WARS1: variants seen among roughly 807,000 people sequenced by gnomAD.
The protein encoded by WARS1 is tryptophan--tRNA ligase, cytoplasmic.
A neutral mutation model predicts 47.8 loss-of-function variants in WARS1; 17 were observed. The ratio of observed to expected loss-of-function variants is 0.36; its 90% CI spans 0.24 to 0.53. The LOEUF is 0.53. WARS1 is among the 20% of genes least tolerant of loss of function. The probability of loss-of-function intolerance (pLI) is 0.91; values close to 1 mark genes in which losing one functional copy is unlikely to be tolerated. For synonymous variants in WARS1, 208 were observed against 228.1 expected (o/e 0.91, Z 0.79); for missense variants, 434 against 608.0 (o/e 0.71, Z 3.01).
intron 4 of WARS1, among the ~76,000 whole-genome samples, chr14:100,357,021 T>C (rs1048909661): frequency 1.3e-5 from 2 of 152,196 alleles, no homozygotes. Flanking sequence ...AACCTATCAG[T>C]GTGATACACC....
Position 100,342,472 on chromosome 14 carries a change from G to C in WARS1, c.1039C>G (p.Gln347Glu), listed in dbSNP as rs771622592. Residue 347 changes from glutamine (Q) to glutamate (E), a missense_variant, in exon 9 of 11, where the codon CAG becomes GAG. Physicochemically the swap from Gln to Glu is conservative, Grantham distance 29. Around this residue, in one of 2 missense-constraint regions of WARS1, gnomAD observed 347 missense variants for 523.8 expected, o/e 0.66. Coordinates refer to ENST00000392882, the MANE Select transcript of WARS1 (RefSeq NM_004184.4). ...STFFPALQGA[Q>E]TKMSASDPNS... The stretch of plus-strand genomic sequence containing the variant: ...GGGTCGCTGGCACTCATTTTGGTCT[G>C]GGCGCCCTGCAGGGCTGGGAAGAAG... 6.2e-7 allele frequency: 1 copy of C among 1,614,072 alleles called. No homozygotes were observed. The highest frequency in any genetic ancestry group is 8.5e-7 in the Non-Finnish European group (1 of 1,180,000).
At position 100,353,682 on chromosome 14, in the gene WARS1, C is replaced by CT. The variant is rs773016406; in HGVS notation, c.725+4dup. 6.2e-7 allele frequency: 1 copy of CT among 1,613,726 alleles called. No individual in the cohort carries two copies. Among genetic ancestry groups the CT allele is most frequent in the Non-Finnish European group, 8.5e-7 (1 of 1,179,840 alleles). On this transcript the variant is annotated splice_donor_region_variant and intron_variant, in intron 6 of 10. Transcript: ENST00000392882. Reference sequence around the variant, plus strand: ...TGAAAAGGCAGCCAGACGTTTTCTCCTTACCCCATGTAGTCCAGGTCAGAG... The same window carrying CT: ...TGAAAAGGCAGCCAGACGTTTTCTCCTTTACCCCATGTAGTCCAGGTCAGAG...
intron 8 of WARS1, 135 bp downstream of exon 8, chr14:100,343,140 G>T: frequency 3.3e-6 from 2 of 598,950 alleles, no homozygotes; most frequent in South Asian, 2.4e-5. Flanking sequence ...GCCTCCCAGA[G>T]TGCTGGTATT....
intron 1 of WARS1, among the ~76,000 whole-genome samples, chr14:100,371,910 C>T (rs1031867802): frequency 6.6e-6 from 1 of 152,068 alleles, no homozygotes; most frequent in African/African-American, 2.4e-5. Context: ...CCCCTGTGAC[C>T]GGCACGTACA....
intron 10 of WARS1, among the ~76,000 whole-genome samples, chr14:100,336,092 G>A (rs538047193): frequency 5.3e-5 from 8 of 151,758 alleles, no homozygotes; most frequent in South Asian, 2.1e-4. Flanking sequence ...TGAATAAGAC[G>A]GTAAAACCCT....
intron 9 of WARS1, chr14:100,340,282 G>A (rs28633946): frequency 0.062 from 9,384 of 152,476 alleles, 453 homozygotes; most frequent in African/African-American, 0.13. Flanking sequence ...CTTGGGGGTG[G>A]GTATGGAGCA....
At chr14:100,344,998 T>TG (rs1233790092) in intron 7 of WARS1, among the ~76,000 whole-genome samples, 306 of 127,020 alleles carry the variant, frequency 2.4e-3, no homozygotes, top group Non-Finnish European at 3.6e-3. Flanking sequence ...GGGAGGGAAG[T>TG]GGGGGGGTCA....
At chr14:100,336,537 G>A (rs1344190115) in intron 10 of WARS1, among the ~76,000 whole-genome samples, 3 of 152,096 alleles carry the variant, frequency 2.0e-5, no homozygotes, top group South Asian at 2.1e-4. Context: ...TAACATCTTT[G>A]TGTGGAAAGC....
intron 4 of WARS1, among the ~76,000 whole-genome samples, chr14:100,355,253 C>T (rs1895239026): frequency 6.6e-6 from 1 of 152,076 alleles, no homozygotes; most frequent in South Asian, 2.1e-4. Flanking sequence ...CAGAGTCTCA[C>T]TCTGTCACCC....
chr14:100,368,686 C>T (rs149742887), intron 2 of WARS1, among the ~76,000 whole-genome samples: 1 of 152,186 alleles, frequency 6.6e-6, no homozygotes, highest in Admixed American at 6.5e-5. Context: ...CCAAGGCTGG[C>T]GTGGTGGCTC....
chr14:100,366,774 C>A, intron 2 of WARS1: 1 of 1,098,934 alleles, frequency 9.1e-7, no homozygotes, highest in Non-Finnish European at 1.4e-6. Flanking sequence ...CACAATGAAG[C>A]TTGAAGATAC....
upstream of WARS1, chr14:100,376,240 GC>G: frequency 2.2e-6 from 1 of 444,466 alleles, no homozygotes; most frequent in Non-Finnish European, 3.5e-6. Flanking sequence ...CTCCGCCCCG[GC>G]CTTACTCCCC....
chr14:100,340,910 TTC>T (rs1216373329), intron 9 of WARS1, among the ~76,000 whole-genome samples: 2 of 133,570 alleles, frequency 1.5e-5, no homozygotes, highest in Non-Finnish European at 3.5e-5. Context: ...TTTTTCTTTT[TTC>T]TTTTCTTTTT....
chr14:100,336,862 A>G (rs1450155629), intron 10 of WARS1, 200 bp downstream of exon 10: 1 of 592,902 alleles, frequency 1.7e-6, no homozygotes, highest in East Asian at 2.8e-5. Context: ...AGTGATTTGT[A>G]TCTGCTCTTT....
rs1896483466 is a variant in WARS1 at position 100,373,837 on chromosome 14, TGTGTG to T, written c.-74+1441_-74+1445del. ...ACTATTGAAATCTTGTGTGTGTGTG[TGTGTG>T]TGTGTGTGTGTGTGTGTGTGTGTAT... On this transcript the variant is annotated intron_variant, in intron 1 of 10. Transcript: ENST00000392882. This position sits in a 1 kb window ranked among gnomAD's most constrained non-coding sequence, Gnocchi z 4.4. 1 of 146,214 alleles carries T rather than the reference TGTGTG, an allele frequency of 6.8e-6. No homozygotes were observed. The highest frequency in any genetic ancestry group is 1.5e-5 in the Non-Finnish European group (1 of 66,698). 9.1% of individuals were successfully genotyped at this position (146,214 alleles called of 1,614,324 possible).
chr14:100,376,053 G>C (rs1896640846), upstream of WARS1: 1 of 155,448 alleles, frequency 6.4e-6, no homozygotes, highest in Admixed American at 6.5e-5. Context: ...GGGAAAGGGA[G>C]ACGGGGTGGG....
Position 100,354,509 on chromosome 14 carries a change from C to T in WARS1, c.480G>A (p.Thr160=), listed in dbSNP as rs190400670. 9.7e-5 allele frequency: 156 copies of T among 1,614,066 alleles called. No individual in the cohort carries two copies. In the East Asian group the frequency reaches 2.5e-3, roughly 25 times the overall value. ...YENKKPFYLY[T]GRGPSSEAMH... ...TTGCTTCAGAAGAGGGGCCCCGGCC[C>T]GTGTACAGATAAAATGGCTTCTTAT... Residue 160 remains threonine, a synonymous_variant, in exon 5 of 11, where the codon ACG becomes ACA. Coordinates refer to ENST00000392882, the MANE Select transcript of WARS1 (RefSeq NM_004184.4).
chr14:100,358,637 T>C (rs1014332515), intron 4 of WARS1, among the ~76,000 whole-genome samples: 2 of 152,196 alleles, frequency 1.3e-5, no homozygotes, highest in Admixed American at 1.3e-4. Flanking sequence ...GTTTCTCAGA[T>C]ATGACACCAA....
intron 6 of WARS1, among the ~76,000 whole-genome samples, chr14:100,350,163 A>C (rs1480041599): frequency 2.3e-5 from 2 of 88,552 alleles, no homozygotes; most frequent in African/African-American, 4.0e-5. Context: ...TGGGTGGTCG[A>C]GGCGGGTGGA....
Sources: gnomAD v4.1 joint callset for allele counts (sites outside exome capture counted in the v4.1 genomes callset) on GRCh38, gnomAD v4.1.1 for gene constraint, gnomAD v4.1.1 regional missense constraint, Gnocchi (gnomAD v3.1) non-coding constraint, MANE v1.5 for transcripts, NCBI Gene and HGNC (gene_info 2026-07-23, HGNC 2026-07-21) for gene names.